PCDHA8: variants seen among roughly 807,000 people sequenced by gnomAD.
PCDHA8 encodes protocadherin alpha-8.
A neutral mutation model predicts 61.8 loss-of-function variants in PCDHA8; 53 were observed. That is an observed-to-expected ratio of 0.86 (90% CI 0.69 to 1.08). PCDHA8 has a LOEUF of 1.08. Ranked by LOEUF, PCDHA8 falls within the 50% of genes least tolerant of loss-of-function variation. The probability of loss-of-function intolerance (pLI) is 0.00; values close to 1 mark genes in which losing one functional copy is unlikely to be tolerated. For missense variants in PCDHA8, 1,293 were observed against 1,245.0 expected, an observed-to-expected ratio of 1.04 and a Z score of -0.58; for synonymous variants, 618 against 556.6, an observed-to-expected ratio of 1.11 and a Z score of -1.55.
intron 1 of PCDHA8, among the ~76,000 whole-genome samples, chr5:140,913,241 T>C (rs1325092057): frequency 6.6e-6 from 1 of 152,226 alleles, no homozygotes; most frequent in African/African-American, 2.4e-5. Context: ...GGGAGACTTT[T>C]TGTTACAACT....
intron 1 of PCDHA8, chr5:140,868,884 T>C: frequency 1.4e-6 from 1 of 728,466 alleles, no homozygotes; most frequent in East Asian, 2.8e-5. Flanking sequence ...ACTCACAGTT[T>C]TAGGCGCAAG....
In PCDHA8 at chr5:140,856,432, C is replaced by T. The variant is rs782418117; in HGVS notation, c.2394+12717C>T. On this transcript the variant is annotated intron_variant, in intron 1 of 3. Transcript: ENST00000531613. ...TGGAAGTGAAGGACATTAACGACAA[C>T]CCGCCCAGGTTCTCCGTAACAGAAC... 1.9e-6 allele frequency: 3 copies of T among 1,598,272 alleles called. No individual in the cohort carries two copies. In the African/African-American group the frequency reaches 4.0e-5, roughly 22 times the overall value.
At chr5:140,957,734 T>C (rs559180968) in intron 1 of PCDHA8, among the ~76,000 whole-genome samples, 2 of 152,240 alleles carry the variant, frequency 1.3e-5, no homozygotes, top group Admixed American at 6.5e-5. Flanking sequence ...GAATTATATA[T>C]ACTGACATGA....
At chr5:140,911,257 A>G (rs1423375928) in intron 1 of PCDHA8, among the ~76,000 whole-genome samples, 1 of 152,156 alleles carries the variant, frequency 6.6e-6, no homozygotes, top group African/African-American at 2.4e-5. Context: ...ATCAGAATTT[A>G]TAATCTCAGT....
intron 1 of PCDHA8, among the ~76,000 whole-genome samples, chr5:140,972,738 A>G (rs918730708): frequency 1.4e-5 from 2 of 142,600 alleles, no homozygotes; most frequent in Non-Finnish European, 3.0e-5. Context: ...ATCCCGGCTC[A>G]CTGCAACCTC....
chr5:140,869,096 C>G (rs2050848393), intron 1 of PCDHA8: 2 of 1,594,364 alleles, frequency 1.3e-6, no homozygotes, highest in African/African-American at 2.7e-5. Context: ...AAGCCAATTT[C>G]GTATGCGATG....
At chr5:140,853,407 GA>G (rs1453850147) in intron 1 of PCDHA8, 1 of 986,146 alleles carries the variant, frequency 1.0e-6, no homozygotes, top group African/African-American at 1.8e-5. Flanking sequence ...TCAAAACAGA[GA>G]GGTGAAAGCA....
intron 1 of PCDHA8, among the ~76,000 whole-genome samples, chr5:140,976,370 G>A (rs1392898202): frequency 6.6e-6 from 1 of 152,018 alleles, no homozygotes; most frequent in Non-Finnish European, 1.5e-5. Context: ...GGCCAACATG[G>A]TGAAACCCCA....
intron 1 of PCDHA8, among the ~76,000 whole-genome samples, chr5:140,944,359 T>C (rs1248806355): frequency 6.6e-6 from 1 of 152,092 alleles, no homozygotes; most frequent in African/African-American, 2.4e-5. Context: ...GGCTAATTTT[T>C]AATTTTTTAT....
At chr5:140,854,067 C>T (rs2042967096) in intron 1 of PCDHA8, 1 of 266,958 alleles carries the variant, frequency 3.7e-6, no homozygotes, top group Non-Finnish European at 5.7e-6. Context: ...GAGGCTGAGG[C>T]GAGAGAATCG....
At chr5:140,871,289 G>A (rs955449203) in intron 1 of PCDHA8, 1 of 1,613,792 alleles carries the variant, frequency 6.2e-7, no homozygotes, top group African/African-American at 1.3e-5. Context: ...CCCACTGAGG[G>A]CGCGTGCGCG....
intron 1 of PCDHA8, among the ~76,000 whole-genome samples, chr5:140,975,647 T>G (rs1563441442): frequency 6.6e-6 from 1 of 152,254 alleles, no homozygotes; most frequent in Non-Finnish European, 1.5e-5. Flanking sequence ...GCATATTATT[T>G]CATTGAGTAG....
At chr5:141,005,796 AAC>A (rs2098240426) in intron 3 of PCDHA8, among the ~76,000 whole-genome samples, 1 of 151,400 alleles carries the variant, frequency 6.6e-6, no homozygotes, top group Admixed American at 6.6e-5. Flanking sequence ...AGGCAAAAAC[AAC>A]TCCAAGGAGC....
intron 1 of PCDHA8, chr5:140,870,552 G>C: frequency 6.2e-7 from 1 of 1,614,042 alleles, no homozygotes; most frequent in Non-Finnish European, 8.5e-7. Flanking sequence ...ACGCGGACGC[G>C]CAGGAGAACG....
chr5:140,854,721 T>C (rs941408696), intron 1 of PCDHA8: 9 of 149,956 alleles, frequency 6.0e-5, no homozygotes, highest in Non-Finnish European at 1.2e-4. Flanking sequence ...GACAGAAAAC[T>C]CAAGTTTTTT....
chr5:140,991,923 C>T (rs996562269), intron 3 of PCDHA8, among the ~76,000 whole-genome samples: 1 of 152,088 alleles, frequency 6.6e-6, no homozygotes, highest in Non-Finnish European at 1.5e-5. Flanking sequence ...TGTAACATAA[C>T]ATATTCACAA....
intron 1 of PCDHA8, among the ~76,000 whole-genome samples, chr5:140,896,506 A>G (rs1231827987): frequency 2.7e-5 from 4 of 150,856 alleles, no homozygotes; most frequent in African/African-American, 9.7e-5. Flanking sequence ...GGGACTGTGC[A>G]GGCACACACC....
At chr5:140,937,906 C>T (rs1235683629) in intron 1 of PCDHA8, among the ~76,000 whole-genome samples, 6 of 130,108 alleles carry the variant, frequency 4.6e-5, no homozygotes, top group African/African-American at 6.4e-5. Context: ...AGTGAGACTC[C>T]GTCTCAAAAA....
At chr5:140,899,443 G>A (rs1554188558) in intron 1 of PCDHA8, among the ~76,000 whole-genome samples, 4 of 152,210 alleles carry the variant, frequency 2.6e-5, no homozygotes, top group African/African-American at 9.7e-5. Context: ...CATCTATTGA[G>A]ATAATCATGT....
Sources: gnomAD v4.1 joint callset for allele counts (sites outside exome capture counted in the v4.1 genomes callset) on GRCh38, gnomAD v4.1.1 for gene constraint, MANE v1.5 for transcripts, NCBI Gene and HGNC (gene_info 2026-07-23, HGNC 2026-07-21) for gene names.